SLC25A51: variants seen among roughly 807,000 people sequenced by gnomAD.
SLC25A51 encodes the protein solute carrier family 25 member 51.
In SLC25A51, 11 loss-of-function variants were observed where a neutral mutation model predicts 19.1. That is an observed-to-expected ratio of 0.58 (90% CI 0.36 to 0.96). SLC25A51 has a LOEUF of 0.96. Among genes scored for constraint, SLC25A51 ranks in the 40% least tolerant of loss-of-function variants. The pLI is 0.01. For synonymous variants in SLC25A51, 105 were observed against 133.6 expected, an observed-to-expected ratio of 0.79 and a Z score of 1.47; for missense variants, 201 against 365.4, an observed-to-expected ratio of 0.55 and a Z score of 3.67.
At chr9:37,884,378 G>A (rs973538233), downstream of SLC25A51, among the ~76,000 whole-genome samples, 1 of 152,164 alleles carries the variant, frequency 6.6e-6, no homozygotes, top group African/African-American at 2.4e-5. Context: ...TCTTTATTTA[G>A]ATCATATGCT....
chr9:37,888,265 C>T lies in SLC25A51; in HGVS notation c.286G>A (p.Ala96Thr). 6.2e-7 allele frequency: 1 copy of T among 1,614,206 alleles called. No individual in the cohort carries two copies. The highest frequency in any genetic ancestry group is 8.5e-7 in the Non-Finnish European group (1 of 1,180,050). The change falls in exon 3 of 3, where the codon GCA becomes ACA. Residue 96 changes from alanine (A) to threonine (T), a missense_variant. Coordinates refer to ENST00000242275, the MANE Select transcript of SLC25A51 (RefSeq NM_033412.4). ...PPLMQKTTTL[A>T]LMFGLYEDLS... ...TCCTCATACAGACCAAACATAAGTGCAAGCGTAGTTGTCTTCTGCATCAAT... is the reference window on the plus strand; with the variant it reads ...TCCTCATACAGACCAAACATAAGTGTAAGCGTAGTTGTCTTCTGCATCAAT...
At chr9:37,901,086 A>C (rs1253245178) in intron 1 of SLC25A51, among the ~76,000 whole-genome samples, 2 of 152,110 alleles carry the variant, frequency 1.3e-5, no homozygotes, top group Non-Finnish European at 2.9e-5. Context: ...GGCTGGTCTC[A>C]AACTCCTTGG....
chr9:37,886,567 G>C (rs1352204575), downstream of SLC25A51, among the ~76,000 whole-genome samples: 1 of 152,176 alleles, frequency 6.6e-6, no homozygotes, highest in Non-Finnish European at 1.5e-5. Flanking sequence ...CTACAGGAAG[G>C]CCTGCCATGC....
At chr9:37,885,099 G>C (rs977383584), downstream of SLC25A51, among the ~76,000 whole-genome samples, 9 of 151,966 alleles carry the variant, frequency 5.9e-5, no homozygotes, top group Non-Finnish European at 1.3e-4. Flanking sequence ...AATGAAGACT[G>C]TCCTCTGCAG....
In SLC25A51 at chr9:37,894,373, C is replaced by A. The variant is rs535376044; in HGVS notation, c.-43+5456G>T. 4.0e-5 allele frequency among the ~76,000 whole-genome samples: 6 copies of A among 150,234 alleles called. No homozygotes were observed. In the South Asian group the frequency reaches 1.3e-3, roughly 31 times the overall value. ...GCAGAGTCTTGCTTTGTTGCCCAGG[C>A]TGGAATGCAGTGGTGCGATCTCGGC... On this transcript the variant is annotated intron_variant, in intron 2 of 2. Transcript: ENST00000242275.
At chr9:37,886,250 G>T (rs1326994171), downstream of SLC25A51, 2 of 1,610,082 alleles carry the variant, frequency 1.2e-6, no homozygotes, top group African/African-American at 2.7e-5. Context: ...TGAGGAGAAT[G>T]TGATCCGAGA....
intron 2 of SLC25A51, among the ~76,000 whole-genome samples, chr9:37,893,862 C>A (rs1831650811): frequency 6.6e-6 from 1 of 152,208 alleles, no homozygotes; most frequent in African/African-American, 2.4e-5. Context: ...CTCCTCCAGG[C>A]TCACTGGCCT....
chr9:37,886,114 G>C (rs1447967757), downstream of SLC25A51: 1 of 1,468,342 alleles, frequency 6.8e-7, no homozygotes, highest in African/African-American at 1.4e-5. Context: ...TTAGTACGCG[G>C]TACAAAGTGA....
At chr9:37,885,357 A>C (rs957656922), downstream of SLC25A51, among the ~76,000 whole-genome samples, 81 of 151,700 alleles carry the variant, frequency 5.3e-4, no homozygotes, top group African/African-American at 1.8e-3. Flanking sequence ...AAAAAAAAAA[A>C]AAAAAAAAAA....
intron 2 of SLC25A51, among the ~76,000 whole-genome samples, chr9:37,895,370 T>C (rs981429818): frequency 1.1e-4 from 16 of 151,742 alleles, no homozygotes; most frequent in African/African-American, 1.2e-4. Context: ...TTCGGCTTTT[T>C]TTTTTTTTTT....
chr9:37,902,217 A>C lies in SLC25A51; in HGVS notation c.-165+1851T>G, dbSNP rs548899080. 3.9e-5 allele frequency among the ~76,000 whole-genome samples: 6 copies of C among 152,284 alleles called. No homozygotes were observed. In the South Asian group the frequency reaches 1.2e-3, roughly 32 times the overall value. ...TTTGTCCATGTTCACTTTTACTGGA[A>C]TGTTACTTGTATTACTTTCTGAAAT... On this transcript the variant is annotated intron_variant, in intron 1 of 2. Transcript: ENST00000242275.
chr9:37,880,452 G>A (rs1382879473), exon 4 of SLC25A51: 4 of 151,584 alleles, frequency 2.6e-5, no homozygotes, highest in Non-Finnish European at 5.9e-5. Flanking sequence ...GGGAACGTCA[G>A]ATAAATAGAT....
chr9:37,888,571 T>G lies in SLC25A51; in HGVS notation c.-21A>C, dbSNP rs750759374. The G allele has an allele frequency of 1.9e-6, 3 of 1,566,426 alleles. No homozygotes were observed. The highest frequency in any genetic ancestry group is 2.6e-6 in the Non-Finnish European group (3 of 1,161,678). ...ATCATGCTGCTTAAGATCTTTCTTT[T>G]TCATGAAGGACTTTTTTTAACCTAC... On this transcript the variant is annotated 5_prime_UTR_variant, in exon 3 of 3. Coordinates refer to ENST00000242275, the MANE Select transcript of SLC25A51 (RefSeq NM_033412.4).
downstream of SLC25A51, among the ~76,000 whole-genome samples, chr9:37,886,619 G>T (rs1002608018): frequency 1.3e-5 from 2 of 152,208 alleles, no homozygotes; most frequent in African/African-American, 4.8e-5. Context: ...AGATCTCACA[G>T]GATGGAGGGG....
downstream of SLC25A51, among the ~76,000 whole-genome samples, chr9:37,882,677 T>C (rs1831371256): frequency 6.6e-6 from 1 of 152,220 alleles, no homozygotes; most frequent in South Asian, 2.1e-4. Context: ...TGAGGGCTCA[T>C]ACCACTCTCA....
In SLC25A51 at chr9:37,899,865, G is replaced by T; in HGVS notation, c.-79C>A. On this transcript the variant is annotated 5_prime_UTR_variant, in exon 2 of 3. Coordinates refer to ENST00000242275, the MANE Select transcript of SLC25A51 (RefSeq NM_033412.4). ...GAGCCTGGAGTTTGGCAGGATGATA[G>T]CTTTGTGATAATGTTCCCAATTTCT... The T allele has an allele frequency of 6.2e-6, 1 of 162,028 alleles. No individual in the cohort carries two copies. The allele number at this position is 162,028 out of a possible 1,614,324, so 10.0% of individuals were successfully genotyped here. A position where few individuals can be genotyped will look rare whatever the true frequency, so the allele number is the denominator to read the frequency against.
exon 4 of SLC25A51, chr9:37,879,491 G>A: frequency 6.1e-6 from 1 of 164,228 alleles, no homozygotes; most frequent in Middle Eastern, 9.6e-4. Flanking sequence ...AAGAAAATCA[G>A]AGAAAACATC....
chr9:37,887,048 G>A (rs1465676557), downstream of SLC25A51, among the ~76,000 whole-genome samples: 3 of 151,836 alleles, frequency 2.0e-5, no homozygotes, highest in Non-Finnish European at 4.4e-5. Flanking sequence ...CGGGCACAGT[G>A]GCTCACGCCT....
At chr9:37,893,466 CCACT>C (rs1349870972) in intron 2 of SLC25A51, among the ~76,000 whole-genome samples, 1 of 152,128 alleles carries the variant, frequency 6.6e-6, no homozygotes, top group African/African-American at 2.4e-5. Flanking sequence ...AAACTTCTCC[CCACT>C]CAAAGAAAGT....
Sources: gnomAD v4.1 joint callset for allele counts (sites outside exome capture counted in the v4.1 genomes callset) on GRCh38, gnomAD v4.1.1 for gene constraint, MANE v1.5 for transcripts, NCBI Gene and HGNC (gene_info 2026-07-23, HGNC 2026-07-21) for gene names.